Variants in PCDH15 observed in about 807,000 individuals in gnomAD.
The protein encoded by PCDH15 is protocadherin-15.
Under a neutral mutation model 178.5 loss-of-function variants are expected in PCDH15, and 129 were observed. The ratio of observed to expected loss-of-function variants is 0.72; its 90% CI spans 0.63 to 0.84. PCDH15 has a LOEUF of 0.84. Ranked by LOEUF, PCDH15 falls within the 40% of genes least tolerant of loss-of-function variation. PCDH15 has a pLI of 0.00. For missense variants in PCDH15, 2,230 were observed against 2,099.9 expected, an observed-to-expected ratio of 1.06 and a Z score of -1.21; for synonymous variants, 800 against 732.0, an observed-to-expected ratio of 1.09 and a Z score of -1.50.
At chr10:54,949,214 T>C (rs1317563573) in intron 2 of PCDH15, among the ~76,000 whole-genome samples, 1 of 151,914 alleles carries the variant, frequency 6.6e-6, no homozygotes, top group Non-Finnish European at 1.5e-5. Flanking sequence ...GGAAACAAAG[T>C]TAATTGATAC....
At chr10:55,254,686 T>C (rs1167901147) in intron 1 of PCDH15, among the ~76,000 whole-genome samples, 1 of 152,184 alleles carries the variant, frequency 6.6e-6, no homozygotes, top group Non-Finnish European at 1.5e-5. Context: ...AAAATATAAT[T>C]GTAATTCCCT....
At chr10:53,808,962 T>C in intron 37 of PCDH15, 1 of 1,558,672 alleles carries the variant, frequency 6.4e-7, no homozygotes, top group Non-Finnish European at 8.7e-7. Context: ...CTTCTTCTTC[T>C]GAGTGTTCTT....
chr10:54,812,077 TA>T (rs1952872444), intron 3 of PCDH15, among the ~76,000 whole-genome samples: 1 of 152,064 alleles, frequency 6.6e-6, no homozygotes. Flanking sequence ...AGCTAAGTAA[TA>T]AAGTAACATA....
rs2088112732 is a variant in PCDH15, at chr10:53,959,956, G to A, written c.3010-112C>T. ...GGATTGCCTGGTTCCAGAAGGGGAA[G>A]CAATGATCATTTCCTCACTGCCTAC... On this transcript the variant is annotated intron_variant, in intron 22 of 37. Transcript: ENST00000644397. The A allele has an allele frequency of 7.2e-6, 6 of 828,958 alleles. 1 individual carries two copies. In the South Asian group the frequency reaches 8.7e-5, roughly 12 times the overall value. 51.4% of individuals were successfully genotyped at this position (828,958 alleles called of 1,614,324 possible).
At chr10:55,105,335 A>G (rs1478399536) in intron 2 of PCDH15, among the ~76,000 whole-genome samples, 1 of 152,146 alleles carries the variant, frequency 6.6e-6, no homozygotes, top group East Asian at 1.9e-4. Flanking sequence ...AAATACATTT[A>G]TTGGAAAAAA....
chr10:55,341,203 G>A (rs976031314), intron 2 of PCDH15, among the ~76,000 whole-genome samples: 3 of 151,744 alleles, frequency 2.0e-5, no homozygotes, highest in Admixed American at 6.6e-5. Context: ...ACATTTAAAG[G>A]CTACTATAAT....
At chr10:54,215,754 C>T (rs557675175) in intron 9 of PCDH15, among the ~76,000 whole-genome samples, 2 of 152,104 alleles carry the variant, frequency 1.3e-5, no homozygotes, top group Non-Finnish European at 2.9e-5. Context: ...AAATTTATGT[C>T]GAGACGGCCG....
chr10:54,505,646 G>C (rs1241661477), intron 3 of PCDH15, among the ~76,000 whole-genome samples: 1 of 152,022 alleles, frequency 6.6e-6, no homozygotes, highest in African/African-American at 2.4e-5. Flanking sequence ...GGGCCTGTCG[G>C]GGGGTCGGGG....
chr10:54,009,318 C>T (rs2092492895), intron 20 of PCDH15, among the ~76,000 whole-genome samples: 1 of 148,636 alleles, frequency 6.7e-6, no homozygotes, highest in South Asian at 2.2e-4. Flanking sequence ...CATGTGGACC[C>T]CCGAGAAATA....
chr10:54,987,893 T>C (rs1212007035), intron 2 of PCDH15, among the ~76,000 whole-genome samples: 1 of 152,182 alleles, frequency 6.6e-6, no homozygotes, highest in Non-Finnish European at 1.5e-5. Context: ...AATTTTGCCT[T>C]TTGTTGCAAT....
At chr10:54,600,623 TA>T (rs796520886) in intron 2 of PCDH15, 81 of 582,276 alleles carry the variant, frequency 1.4e-4, no homozygotes, top group African/African-American at 1.3e-3. Flanking sequence ...CAGTGTCTAC[TA>T]AAAAGGTAGA....
intron 2 of PCDH15, among the ~76,000 whole-genome samples, chr10:54,960,062 C>T (rs1320013579): frequency 6.6e-6 from 1 of 152,024 alleles, no homozygotes; most frequent in Non-Finnish European, 1.5e-5. Context: ...GTCTTATGAC[C>T]TTTATTCTTC....
At chr10:55,018,215 C>T (rs1022842860) in intron 2 of PCDH15, among the ~76,000 whole-genome samples, 2 of 151,806 alleles carry the variant, frequency 1.3e-5, no homozygotes, top group African/African-American at 2.4e-5. Context: ...AAAATTAATG[C>T]GAAAAAGTTG....
chr10:55,590,468 TAA>T (rs1443918292), intron 2 of PCDH15, among the ~76,000 whole-genome samples: 1 of 151,904 alleles, frequency 6.6e-6, no homozygotes, highest in Non-Finnish European at 1.5e-5. Context: ...ATAATAGTAA[TAA>T]AATAAAATTT....
At chr10:54,591,875 A>C (rs549958357) in intron 2 of PCDH15, among the ~76,000 whole-genome samples, 2 of 152,276 alleles carry the variant, frequency 1.3e-5, no homozygotes, top group South Asian at 2.1e-4. Context: ...ATCTGATAAA[A>C]AGTAATATGT....
At chr10:54,442,344 G>T (rs2075840042) in intron 3 of PCDH15, among the ~76,000 whole-genome samples, 1 of 135,204 alleles carries the variant, frequency 7.4e-6, no homozygotes, top group Admixed American at 7.9e-5. Context: ...TTATACAACG[G>T]GTAGAAACTA....
At chr10:54,104,844 A>C (rs11004067) in intron 15 of PCDH15, among the ~76,000 whole-genome samples, 1 of 24,478 alleles carries the variant, frequency 4.1e-5, no homozygotes, top group African/African-American at 8.7e-5. Context: ...CTCAACAACA[A>C]CAAAAAAAAA....
At chr10:54,543,331 C>CT (rs1428446668) in intron 2 of PCDH15, among the ~76,000 whole-genome samples, 1 of 152,156 alleles carries the variant, frequency 6.6e-6, no homozygotes, top group Non-Finnish European at 1.5e-5. Context: ...CACAAATCGC[C>CT]TATAGATGGC....
intron 2 of PCDH15, among the ~76,000 whole-genome samples, chr10:55,100,048 T>C (rs1375019221): frequency 6.6e-6 from 1 of 152,124 alleles, no homozygotes; most frequent in Admixed American, 6.6e-5. Flanking sequence ...TTCCTAAAAA[T>C]TAACTTACTA....
Sources: allele counts gnomAD v4.1 joint callset (sites outside exome capture counted in the v4.1 genomes callset), GRCh38; gene constraint gnomAD v4.1.1; transcripts MANE v1.5; gene names NCBI Gene and HGNC (gene_info 2026-07-23, HGNC 2026-07-21).